ROBO2: variants seen among roughly 807,000 people sequenced by gnomAD.
ROBO2 encodes roundabout guidance receptor 2, also known as roundabout homolog 2.
Under a neutral mutation model 160.8 loss-of-function variants are expected in ROBO2, and 53 were observed. That is an observed-to-expected ratio of 0.33 (90% confidence interval 0.26 to 0.41). The LOEUF (loss-of-function observed/expected upper bound fraction) is 0.41, where lower values mean the gene tolerates loss of function less well. ROBO2 is among the 10% of genes least tolerant of loss of function. The probability of loss-of-function intolerance (pLI) is 1.00; values close to 1 mark genes in which losing one functional copy is unlikely to be tolerated. For synonymous variants in ROBO2, 664 were observed against 611.7 expected (o/e 1.09, Z -1.26); for missense variants, 1,577 against 1,722.4 (o/e 0.92, Z 1.49).
intron 2 of ROBO2, among the ~76,000 whole-genome samples, chr3:76,795,043 A>T (rs1214905047): frequency 6.6e-6 from 1 of 152,136 alleles, no homozygotes; most frequent in Non-Finnish European, 1.5e-5. Flanking sequence ...TATGAAAGTT[A>T]TATTTATATA....
chr3:75,953,821 CAT>C, intron 2 of ROBO2, among the ~76,000 whole-genome samples: 1 of 152,024 alleles, frequency 6.6e-6, no homozygotes, highest in Non-Finnish European at 1.5e-5. Flanking sequence ...TACATATAGA[CAT>C]CAATTTCACA....
intron 2 of ROBO2, among the ~76,000 whole-genome samples, chr3:76,705,592 T>C (rs2093143988): frequency 6.6e-6 from 1 of 152,044 alleles, no homozygotes; most frequent in African/African-American, 2.4e-5. Flanking sequence ...GTAGAATCAT[T>C]GGGGAGAAAC....
At chr3:76,937,356 TA>T (rs1292610027) in intron 2 of ROBO2, among the ~76,000 whole-genome samples, 1 of 150,382 alleles carries the variant, frequency 6.6e-6, no homozygotes, top group African/African-American at 2.5e-5. Flanking sequence ...TTGTTTTTTT[TA>T]ATCTGATGCC....
chr3:76,260,084 T>A (rs1706649577), intron 2 of ROBO2, among the ~76,000 whole-genome samples: 1 of 152,162 alleles, frequency 6.6e-6, no homozygotes, highest in Non-Finnish European at 1.5e-5. Flanking sequence ...AACACATTTG[T>A]CAGTTTTTAT....
intron 2 of ROBO2, among the ~76,000 whole-genome samples, chr3:77,225,592 G>A (rs1174247630): frequency 1.3e-5 from 2 of 151,796 alleles, no homozygotes; most frequent in African/African-American, 2.4e-5. Context: ...AATTAAATAA[G>A]CACCTCTGTG....
chr3:76,951,791 C>T (rs769850416), intron 2 of ROBO2, among the ~76,000 whole-genome samples: 27 of 152,126 alleles, frequency 1.8e-4, no homozygotes, highest in African/African-American at 5.3e-4. Context: ...ATATACCATG[C>T]TCCAAAAATT....
rs548530394 is a variant in ROBO2 at position 77,207,152 on chromosome 3, A to AT, written c.388+108817dup. Among the ~76,000 whole-genome samples the AT allele has an allele frequency of 2.7e-4, 41 of 152,250 alleles. No individual in the cohort carries two copies. In the South Asian group the frequency reaches 3.5e-3, roughly 13 times the overall value. ...TATAGTTATAAATAATATAAAGACT[A>AT]TTTTTATTTATGTTTTGTTTTTCTC... On this transcript the variant is annotated intron_variant, in intron 2 of 25. Coordinates refer to ENST00000461745, the Ensembl canonical transcript of ROBO2.
At chr3:76,325,523 T>C (rs1207207945) in intron 2 of ROBO2, among the ~76,000 whole-genome samples, 1 of 152,120 alleles carries the variant, frequency 6.6e-6, no homozygotes, top group Non-Finnish European at 1.5e-5. Flanking sequence ...CTTGTAAACA[T>C]ACTTGTAAAA....
At chr3:76,523,431 C>G (rs573262910) in intron 2 of ROBO2, among the ~76,000 whole-genome samples, 2 of 152,036 alleles carry the variant, frequency 1.3e-5, no homozygotes, top group African/African-American at 2.4e-5. Flanking sequence ...AAATACCTTG[C>G]AAAGGTACTA....
chr3:77,219,968 A>C (rs780130486), intron 2 of ROBO2, among the ~76,000 whole-genome samples: 1 of 151,750 alleles, frequency 6.6e-6, no homozygotes, highest in Non-Finnish European at 1.5e-5. Context: ...GAATTTGTTC[A>C]GAACATGGCT....
At chr3:76,205,790 C>A (rs1384813842) in intron 2 of ROBO2, among the ~76,000 whole-genome samples, 3 of 152,108 alleles carry the variant, frequency 2.0e-5, no homozygotes, top group East Asian at 1.9e-4. Context: ...TCATAAAATT[C>A]TTCTCCAGTA....
intron 2 of ROBO2, among the ~76,000 whole-genome samples, chr3:76,634,691 A>G (rs1261517815): frequency 1.3e-5 from 2 of 152,208 alleles, no homozygotes; most frequent in East Asian, 3.9e-4. Flanking sequence ...TAAAAGTGCT[A>G]GAGGTTAGGG....
chr3:76,092,588 G>A (rs920443689), intron 2 of ROBO2, among the ~76,000 whole-genome samples: 4 of 152,086 alleles, frequency 2.6e-5, no homozygotes, highest in Non-Finnish European at 5.9e-5. Flanking sequence ...GTTACTCTCT[G>A]GGTACCCGCA....
At chr3:76,156,152 T>C (rs2106883405) in intron 2 of ROBO2, among the ~76,000 whole-genome samples, 1 of 152,214 alleles carries the variant, frequency 6.6e-6, no homozygotes, top group African/African-American at 2.4e-5. Context: ...TTTTTCTGAA[T>C]CAGAACATCG....
chr3:77,599,195 AT>A (rs1451662763), intron 19 of ROBO2, among the ~76,000 whole-genome samples: 1 of 151,366 alleles, frequency 6.6e-6, no homozygotes, highest in Non-Finnish European at 1.5e-5. Flanking sequence ...TACTGTTAAA[AT>A]TTTTTGTATA....
intron 2 of ROBO2, among the ~76,000 whole-genome samples, chr3:76,503,351 C>T (rs2080587987): frequency 6.6e-6 from 1 of 152,060 alleles, no homozygotes; most frequent in Non-Finnish European, 1.5e-5. Flanking sequence ...TTGGCAACAC[C>T]CACACTGAAA....
At chr3:76,372,232 T>C (rs1234381752) in intron 2 of ROBO2, among the ~76,000 whole-genome samples, 1 of 151,922 alleles carries the variant, frequency 6.6e-6, no homozygotes, top group East Asian at 1.9e-4. Flanking sequence ...TAAAGAATCT[T>C]TATGTGCAGA....
chr3:77,519,836 G>C (rs1246370065), intron 5 of ROBO2, among the ~76,000 whole-genome samples: 1 of 151,396 alleles, frequency 6.6e-6, no homozygotes, highest in Non-Finnish European at 1.5e-5. Context: ...TCTGTTTTAA[G>C]TTCTTTGAGA....
intron 2 of ROBO2, among the ~76,000 whole-genome samples, chr3:76,923,362 ATT>A (rs772474745): frequency 2.0e-5 from 3 of 152,210 alleles, no homozygotes; most frequent in Non-Finnish European, 4.4e-5. Context: ...TTTCACTATG[ATT>A]TGCTCTAGAA....
Sources: gnomAD v4.1 joint callset for allele counts (sites outside exome capture counted in the v4.1 genomes callset) on GRCh38, gnomAD v4.1.1 for gene constraint, MANE v1.5 for transcripts, NCBI Gene and HGNC (gene_info 2026-07-23, HGNC 2026-07-21) for gene names.